Variants in PPP2R5C observed in about 807,000 individuals in gnomAD.
PPP2R5C encodes serine/threonine-protein phosphatase 2A 56 kDa regulatory subunit gamma isoform.
Under a neutral mutation model 68.9 loss-of-function variants are expected in PPP2R5C, and 7 were observed. The observed-to-expected ratio is 0.10, with a 90% confidence interval of 0.06 to 0.19. The LOEUF is 0.19. Among genes scored for constraint, PPP2R5C ranks in the 10% least tolerant of loss-of-function variants. The pLI is 1.00. For synonymous variants in PPP2R5C, 210 were observed against 222.2 expected, an observed-to-expected ratio of 0.95 and a Z score of 0.49; for missense variants, 348 against 641.3, an observed-to-expected ratio of 0.54 and a Z score of 4.94.
chr14:101,884,643 G>A (rs916292695), intron 5 of PPP2R5C, among the ~76,000 whole-genome samples: 7 of 152,312 alleles, frequency 4.6e-5, no homozygotes, highest in East Asian at 3.9e-4. Flanking sequence ...CTCCAGGCCC[G>A]CCCCTCCCCA....
At chr14:101,895,827 T>C (rs528425685) in intron 8 of PPP2R5C, among the ~76,000 whole-genome samples, 4 of 152,304 alleles carry the variant, frequency 2.6e-5, no homozygotes, top group African/African-American at 9.6e-5. Flanking sequence ...CCTTTGGATA[T>C]ATATCCAGGA....
At chr14:101,893,579 C>T (rs2045105006) in intron 7 of PPP2R5C, among the ~76,000 whole-genome samples, 1 of 152,114 alleles carries the variant, frequency 6.6e-6, no homozygotes, top group South Asian at 2.1e-4. Context: ...TGGAGAAAAC[C>T]GTCTCTACTT....
Position 101,906,352 on chromosome 14 carries a change from C to G in PPP2R5C, c.1024-50C>G. The G allele has an allele frequency of 1.3e-6, 2 of 1,531,602 alleles. No homozygotes were observed. The highest frequency in any genetic ancestry group is 1.8e-6 in the Non-Finnish European group (2 of 1,142,036). 94.9% of individuals were successfully genotyped at this position (1,531,602 alleles called of 1,614,324 possible). A position where few individuals can be genotyped will look rare whatever the true frequency, so the allele number is the denominator to read the frequency against. ...CAGGTTTAACAGCAAGGACAGCCAC[C>G]TGATGTCTCAGGCACAACCTCCAGC... On this transcript the variant is annotated intron_variant, in intron 9 of 13. Coordinates refer to ENST00000334743, the Ensembl canonical transcript of PPP2R5C. This position sits in a 1 kb window ranked among gnomAD's most constrained non-coding sequence, Gnocchi z 4.0.
chr14:101,853,517 A>G (rs1020840588), intron 1 of PPP2R5C, among the ~76,000 whole-genome samples: 12 of 152,132 alleles, frequency 7.9e-5, no homozygotes, highest in African/African-American at 2.7e-4. Context: ...TTGAATGACA[A>G]CTTAGTCTTT....
chr14:101,871,328 G>A lies in PPP2R5C; in HGVS notation c.295-10833G>A, dbSNP rs1458801970. 5.3e-5 allele frequency among the ~76,000 whole-genome samples: 8 copies of A among 152,002 alleles called. No homozygotes were observed. The East Asian group carries it at 1.4e-3, about 26-fold the overall frequency. On this transcript the variant is annotated intron_variant, in intron 2 of 13. Coordinates refer to ENST00000334743, the Ensembl canonical transcript of PPP2R5C. ...ACAATCTCTGCTCACTGCAAGCTCC[G>A]CCTCCCGGGTTCATGCCATTCTCCT... is the stretch of plus-strand genomic sequence containing the variant.
chr14:101,900,101 G>A (rs1414922513), intron 8 of PPP2R5C, among the ~76,000 whole-genome samples: 4 of 151,346 alleles, frequency 2.6e-5, no homozygotes, highest in African/African-American at 9.7e-5. Flanking sequence ...TGCCCAGGTC[G>A]GTCTCGAACT....
At chr14:101,844,463 G>A (rs1595356649) in intron 1 of PPP2R5C, among the ~76,000 whole-genome samples, 2 of 152,186 alleles carry the variant, frequency 1.3e-5, no homozygotes, top group Non-Finnish European at 1.5e-5. Context: ...CGGCAGCACC[G>A]CAGGGCCCGG....
At chr14:101,897,217 G>A (rs191526962) in intron 8 of PPP2R5C, among the ~76,000 whole-genome samples, 4 of 152,284 alleles carry the variant, frequency 2.6e-5, no homozygotes, top group Admixed American at 2.0e-4. Flanking sequence ...CTTAGGGTGA[G>A]GAGGTGTTAT....
chr14:101,909,543 A>G, intron 10 of PPP2R5C, 46 bp from the exon 13 acceptor site: 1 of 1,364,402 alleles, frequency 7.3e-7, no homozygotes, highest in Non-Finnish European at 1.0e-6. Flanking sequence ...GCGAGGGCTC[A>G]GCAGGAATGC....
At chr14:101,785,508 T>A (rs1293627038) in intron 2 of PPP2R5C, among the ~76,000 whole-genome samples, 1 of 152,156 alleles carries the variant, frequency 6.6e-6, no homozygotes, top group Admixed American at 6.5e-5. Context: ...ATGTAGCATC[T>A]TCACATCTCT....
At chr14:101,912,263 C>T in intron 11 of PPP2R5C, 138 bp from the exon 14 acceptor site, 3 of 577,904 alleles carry the variant, frequency 5.2e-6, no homozygotes, top group Non-Finnish European at 8.7e-6. Flanking sequence ...GTGCTCAGCA[C>T]GTAAGTGTGG....
chr14:101,907,911 C>G (rs140398896), intron 10 of PPP2R5C, among the ~76,000 whole-genome samples: 6 of 152,196 alleles, frequency 3.9e-5, no homozygotes, highest in Non-Finnish European at 5.9e-5. Context: ...CTGAGCCAGA[C>G]CCCCGAGCGA....
chr14:101,844,492 C>T (rs965398442), intron 1 of PPP2R5C, among the ~76,000 whole-genome samples: 1 of 152,204 alleles, frequency 6.6e-6, no homozygotes, highest in Non-Finnish European at 1.5e-5. Context: ...GGCACACAGG[C>T]CGCATGCTCA....
intron 9 of PPP2R5C, among the ~76,000 whole-genome samples, chr14:101,902,683 C>G (rs1296512365): frequency 6.6e-6 from 1 of 152,214 alleles, no homozygotes; most frequent in East Asian, 1.9e-4. Flanking sequence ...GTGCAGCAGG[C>G]TCTCAGAAAC....
At chr14:101,910,902 A>T (rs1326921106) in intron 11 of PPP2R5C, among the ~76,000 whole-genome samples, 3 of 152,188 alleles carry the variant, frequency 2.0e-5, no homozygotes, top group African/African-American at 7.2e-5. Context: ...CAGGAGTTCG[A>T]GACAAGCCTG....
intron 1 of PPP2R5C, among the ~76,000 whole-genome samples, chr14:101,815,845 T>G (rs543304844): frequency 1.1e-3 from 170 of 152,174 alleles, no homozygotes; most frequent in African/African-American, 3.9e-3. Context: ...ATTTTTTGTA[T>G]TTTTAGTATA....
chr14:101,876,593 G>C (rs1343035494), intron 2 of PPP2R5C, among the ~76,000 whole-genome samples: 2 of 152,186 alleles, frequency 1.3e-5, no homozygotes, highest in African/African-American at 2.4e-5. Context: ...GGCCATTCTA[G>C]TTTACATCTA....
intron 3 of PPP2R5C, among the ~76,000 whole-genome samples, chr14:101,803,613 A>G (rs2038958854): frequency 1.3e-5 from 2 of 152,092 alleles, no homozygotes; most frequent in African/African-American, 4.8e-5. Context: ...AGTCCCAGCA[A>G]CTTGGGAGGC....
chr14:101,897,460 G>A (rs1198800046), intron 8 of PPP2R5C, among the ~76,000 whole-genome samples: 1 of 150,068 alleles, frequency 6.7e-6, no homozygotes, highest in Non-Finnish European at 1.5e-5. Flanking sequence ...ACAATAGCCC[G>A]TCTGCAAGCT....
Sources: allele counts gnomAD v4.1 joint callset (sites outside exome capture counted in the v4.1 genomes callset), GRCh38; gene constraint gnomAD v4.1.1; non-coding constraint Gnocchi (gnomAD v3.1); transcripts MANE v1.5; gene names NCBI Gene and HGNC (gene_info 2026-07-23, HGNC 2026-07-21).